The following SHBG variants were observed in gnomAD, a reference collection of about 807,000 sequenced individuals.
SHBG encodes the protein sex hormone-binding globulin.
A neutral mutation model predicts 41.9 loss-of-function variants in SHBG; 37 were observed. That is an observed-to-expected ratio of 0.88 (90% confidence interval 0.68 to 1.16). SHBG has a LOEUF of 1.16. SHBG is among the 50% of genes most tolerant of loss of function. The pLI, the probability that SHBG is intolerant of heterozygous loss-of-function variation, is 0.00. For synonymous variants in SHBG, 217 were observed against 205.8 expected, an observed-to-expected ratio of 1.05 and a Z score of -0.47; for missense variants, 466 against 499.9, an observed-to-expected ratio of 0.93 and a Z score of 0.65.
chr17:7,616,334 G>T (rs1168690629), intron 1 of SHBG, among the ~76,000 whole-genome samples: 1 of 149,510 alleles, frequency 6.7e-6, no homozygotes, highest in Non-Finnish European at 1.5e-5. Context: ...ATGGCAGGGC[G>T]CGGTGGCTCA....
rs532011377 is a variant in SHBG, at chr17:7,622,319, C to G, written c.-61-8099C>G. On this transcript the variant is annotated intron_variant, in intron 1 of 5. Transcript: ENST00000570547. ...AGGGAGTCTCACTCTGTCACCCAGG[C>G]TGGAGTGCAGTGGCTCAATCTTGTC... Among the ~76,000 whole-genome samples, 335 of 151,864 alleles carry G rather than the reference C, an allele frequency of 2.2e-3. 5 individuals carry two copies. The South Asian group carries it at 0.03, about 14-fold the overall frequency.
intron 1 of SHBG, among the ~76,000 whole-genome samples, chr17:7,622,824 T>C (rs2072122318): frequency 7.0e-6 from 1 of 143,690 alleles, no homozygotes; most frequent in Non-Finnish European, 1.5e-5. Context: ...GGTCAGGAGA[T>C]CGAGACCATC....
intron 4 of SHBG, 62 bp from the exon 5 acceptor site, chr17:7,631,527 G>A (rs1036365632): frequency 7.5e-5 from 120 of 1,597,808 alleles, no homozygotes; most frequent in Non-Finnish European, 9.9e-5. Flanking sequence ...CAGGGAGGTC[G>A]GGACTGCGGC....
intron 4 of SHBG, 70 bp from the exon 5 acceptor site, chr17:7,631,519 G>A (rs1438025194): frequency 3.8e-6 from 6 of 1,584,398 alleles, no homozygotes; most frequent in Non-Finnish European, 5.2e-6. Context: ...ACTGAGGGCA[G>A]GGAGGTCGGG....
At chr17:7,631,436 A>C in intron 4 of SHBG, 75 bp downstream of exon 4, 1 of 1,582,106 alleles carries the variant, frequency 6.3e-7, no homozygotes, top group Non-Finnish European at 8.6e-7. Context: ...GTGGGAATCT[A>C]AGTCCACACT....
At chr17:7,632,706 C>T in intron 6 of SHBG, 46 bp from the exon 7 acceptor site, 1 of 1,486,918 alleles carries the variant, frequency 6.7e-7, no homozygotes, top group Non-Finnish European at 9.4e-7. Context: ...AGGCCCGGCT[C>T]ATTCTTCCCT....
upstream of SHBG, chr17:7,627,599 C>T: frequency 1.9e-6 from 3 of 1,612,832 alleles, no homozygotes; most frequent in East Asian, 2.2e-5. The surrounding 1 kb of genome is among the most constrained non-coding windows in gnomAD (Gnocchi z 4.8). Context: ...TCTCCACAGT[C>T]TCCCTCCTTG....
intron 1 of SHBG, chr17:7,614,440 G>GCGCCGACTGGGGA: frequency 6.6e-7 from 1 of 1,521,324 alleles, no homozygotes; most frequent in Non-Finnish European, 8.8e-7. Flanking sequence ...CCCAGTCGGC[G>GCGCCGACTGGGGA]CGCCGTCTCA....
Position 7,630,957 on chromosome 17 carries a change from C to G in SHBG, c.393+88C>G, listed in dbSNP as rs891117994. 1.7e-6 allele frequency: 2 copies of G among 1,202,214 alleles called. No individual in the cohort carries two copies. The allele number at this position is 1,202,214 out of a possible 1,614,324, so 74.5% of individuals were successfully genotyped here. On this transcript the variant is annotated intron_variant, in intron 3 of 7. Coordinates refer to ENST00000380450, the MANE Select transcript of SHBG (RefSeq NM_001040.5). This position sits in a 1 kb window ranked among gnomAD's most constrained non-coding sequence, Gnocchi z 4.6. ...ACCAAGTTATTGGGCATCCCTCTAC[C>G]ACTGTCATCTCGTTTAATCCACACG...
chr17:7,620,547 C>A (rs2072072920), intron 1 of SHBG, among the ~76,000 whole-genome samples: 1 of 152,126 alleles, frequency 6.6e-6, no homozygotes, highest in African/African-American at 2.4e-5. Flanking sequence ...TCTCGAACTC[C>A]TGACCTCAAG....
At chr17:7,618,816 A>G (rs1397253803) in intron 1 of SHBG, among the ~76,000 whole-genome samples, 1 of 152,176 alleles carries the variant, frequency 6.6e-6, no homozygotes, top group Non-Finnish European at 1.5e-5. Flanking sequence ...GGAGATCCCA[A>G]TTGCGCAGCC....
upstream of SHBG, chr17:7,627,000 T>TA (rs773401600): frequency 6.2e-7 from 1 of 1,614,018 alleles, no homozygotes; most frequent in South Asian, 1.1e-5. Flanking sequence ...CCCTTCCATG[T>TA]ACTGTAGATG....
chr17:7,631,560 C>A, intron 4 of SHBG, 29 bp from the exon 5 acceptor site: 1 of 1,613,354 alleles, frequency 6.2e-7, no homozygotes, highest in Middle Eastern at 1.7e-4. Flanking sequence ...ATTTCTACAT[C>A]CCCGTATCTT....
chr17:7,626,029 C>T (rs150553751), upstream of SHBG, among the ~76,000 whole-genome samples: 1,354 of 148,794 alleles, frequency 9.1e-3, 19 homozygotes, highest in African/African-American at 0.031. Flanking sequence ...TGGTGAAACA[C>T]CGTCTCTACT....
chr17:7,616,611 C>T (rs771520505), intron 1 of SHBG, among the ~76,000 whole-genome samples: 1 of 144,962 alleles, frequency 6.9e-6, no homozygotes, highest in Non-Finnish European at 1.5e-5. Flanking sequence ...GGCGACAGAG[C>T]GAGACTCCAT....
chr17:7,618,731 A>G (rs1195481411), intron 1 of SHBG, among the ~76,000 whole-genome samples: 2 of 152,220 alleles, frequency 1.3e-5, no homozygotes, highest in Non-Finnish European at 2.9e-5. Flanking sequence ...ACATAGAAAG[A>G]GGAAACACAG....
chr17:7,618,564 C>A (rs2072034587), intron 1 of SHBG, among the ~76,000 whole-genome samples: 1 of 152,138 alleles, frequency 6.6e-6, no homozygotes, highest in African/African-American at 2.4e-5. Context: ...ACCTCGGCTG[C>A]CCAAAGTGTT....
chr17:7,631,068 G>A, intron 3 of SHBG, 132 bp from the exon 4 acceptor site: 1 of 1,033,324 alleles, frequency 9.7e-7, no homozygotes, highest in Non-Finnish European at 1.4e-6. Context: ...CAAGAGCTGA[G>A]TGACCCAAGG....
intron 1 of SHBG, chr17:7,614,740 G>A: frequency 3.9e-6 from 1 of 254,864 alleles, no homozygotes; most frequent in Non-Finnish European, 7.3e-6. Context: ...CCGCCGCCTT[G>A]GTCTCCGCCA....
Sources: gnomAD v4.1 joint callset for allele counts (sites outside exome capture counted in the v4.1 genomes callset) on GRCh38, gnomAD v4.1.1 for gene constraint, Gnocchi (gnomAD v3.1) non-coding constraint, MANE v1.5 for transcripts, NCBI Gene and HGNC (gene_info 2026-07-23, HGNC 2026-07-21) for gene names.